CTNNA3: variants seen among roughly 807,000 people sequenced by gnomAD.
The protein encoded by CTNNA3 is catenin alpha-3.
Under a neutral mutation model 95.7 loss-of-function variants are expected in CTNNA3, and 76 were observed. That is an observed-to-expected ratio of 0.79 (90% CI 0.66 to 0.96). CTNNA3 has a LOEUF of 0.96. Ranked by LOEUF, CTNNA3 falls within the 40% of genes least tolerant of loss-of-function variation. CTNNA3 has a pLI of 0.00. For missense variants in CTNNA3, 1,191 were observed against 1,089.8 expected, an observed-to-expected ratio of 1.09 and a Z score of -1.31; for synonymous variants, 431 against 374.4, an observed-to-expected ratio of 1.15 and a Z score of -1.74.
chr10:66,282,702 T>C (rs1022225540), intron 12 of CTNNA3, among the ~76,000 whole-genome samples: 2 of 151,850 alleles, frequency 1.3e-5, no homozygotes, highest in Non-Finnish European at 2.9e-5. Flanking sequence ...ATCTTATGAA[T>C]GGCACCTGCT....
intron 7 of CTNNA3, among the ~76,000 whole-genome samples, chr10:66,952,818 T>C (rs1848602945): frequency 1.3e-5 from 2 of 151,966 alleles, no homozygotes; most frequent in African/African-American, 4.8e-5. Context: ...CTGCTTGTAA[T>C]TTATTATATA....
intron 11 of CTNNA3, among the ~76,000 whole-genome samples, chr10:66,379,880 T>G (rs992476194): frequency 6.6e-6 from 1 of 152,192 alleles, no homozygotes; most frequent in African/African-American, 2.4e-5. Context: ...AGGAAGTTAC[T>G]ATAGCACAGT....
At chr10:67,577,537 C>A (rs1212013512) in intron 3 of CTNNA3, among the ~76,000 whole-genome samples, 2 of 151,974 alleles carry the variant, frequency 1.3e-5, no homozygotes, top group African/African-American at 4.8e-5. Flanking sequence ...TTAATTAGAT[C>A]CCATTTGTCA....
At chr10:66,536,743 A>T (rs1218541862) in intron 10 of CTNNA3, among the ~76,000 whole-genome samples, 1 of 152,102 alleles carries the variant, frequency 6.6e-6, no homozygotes, top group Non-Finnish European at 1.5e-5. Flanking sequence ...ATGAGAAAAA[A>T]ATGGATGATA....
chr10:66,100,210 C>A (rs1231665221), intron 14 of CTNNA3, among the ~76,000 whole-genome samples: 1 of 152,064 alleles, frequency 6.6e-6, no homozygotes, highest in African/African-American at 2.4e-5. Flanking sequence ...TACTGGGGAC[C>A]CTTTCAGGTT....
intron 7 of CTNNA3, among the ~76,000 whole-genome samples, chr10:66,797,699 CTCTCTCTAAAGTG>C (rs1841262141): frequency 6.6e-6 from 1 of 151,908 alleles, no homozygotes; most frequent in South Asian, 2.1e-4. Context: ...TTGGAGCTTG[CTCTCTCTAAAGTG>C]TCTGTGATTG....
intron 17 of CTNNA3, among the ~76,000 whole-genome samples, chr10:65,960,180 C>A (rs2077813960): frequency 6.6e-6 from 1 of 152,158 alleles, no homozygotes; most frequent in East Asian, 1.9e-4. Flanking sequence ...TCATTCATTT[C>A]TATAAATGTG....
chr10:66,135,525 T>A (rs2083301937), intron 13 of CTNNA3, among the ~76,000 whole-genome samples: 1 of 152,120 alleles, frequency 6.6e-6, no homozygotes, highest in Admixed American at 6.5e-5. Flanking sequence ...AAATCACAGC[T>A]AAAACATATA....
chr10:65,976,843 G>T (rs1404786396), intron 16 of CTNNA3, among the ~76,000 whole-genome samples: 1 of 151,494 alleles, frequency 6.6e-6, no homozygotes, highest in South Asian at 2.1e-4. Context: ...ATTGAGTTCT[G>T]CATGTTTCTT....
At chr10:67,459,736 T>C (rs146944309) in intron 5 of CTNNA3, among the ~76,000 whole-genome samples, 101 of 152,314 alleles carry the variant, frequency 6.6e-4, no homozygotes, top group African/African-American at 2.3e-3. Flanking sequence ...TTTTGACATA[T>C]GCCTTAAAAT....
intron 2 of CTNNA3, among the ~76,000 whole-genome samples, chr10:67,642,826 T>A (rs1004359289): frequency 2.6e-5 from 4 of 152,094 alleles, no homozygotes; most frequent in Non-Finnish European, 5.9e-5. Flanking sequence ...AAACAACAGA[T>A]GCTGACAAGG....
intron 13 of CTNNA3, among the ~76,000 whole-genome samples, chr10:66,219,658 A>G (rs189674670): frequency 1.1e-4 from 16 of 152,062 alleles, no homozygotes; most frequent in Admixed American, 5.9e-4. Flanking sequence ...CCTCTAGCCA[A>G]CACCTCGATT....
At chr10:66,217,301 C>T (rs556092339) in intron 13 of CTNNA3, among the ~76,000 whole-genome samples, 7 of 148,024 alleles carry the variant, frequency 4.7e-5, no homozygotes, top group Non-Finnish European at 7.4e-5. Context: ...TGCAGTGAGC[C>T]GAGATCACGC....
intron 9 of CTNNA3, among the ~76,000 whole-genome samples, chr10:66,723,952 T>C: frequency 6.6e-6 from 1 of 152,172 alleles, no homozygotes; most frequent in East Asian, 1.9e-4. Flanking sequence ...TTCTCTTTCT[T>C]TCATCATATT....
intron 7 of CTNNA3, among the ~76,000 whole-genome samples, chr10:67,047,125 A>G (rs913305056): frequency 1.3e-5 from 2 of 152,194 alleles, no homozygotes; most frequent in Non-Finnish European, 2.9e-5. Flanking sequence ...CAGACAGTAC[A>G]CTTATCTTCT....
rs576567030 is a variant in CTNNA3, at chr10:66,919,086, G to A, written c.1048-143562C>T. On this transcript the variant is annotated intron_variant, in intron 7 of 17. Coordinates refer to ENST00000433211, the MANE Select transcript of CTNNA3 (RefSeq NM_013266.4). ...GGAGGCAGAGGTTGCTGTGAGCCGG[G>A]ATCGTGCCACTGAACTCCAGCCTGG... 1.3e-4 allele frequency among the ~76,000 whole-genome samples: 20 copies of A among 148,974 alleles called. No homozygotes were observed. The South Asian group carries it at 3.8e-3, about 28-fold the overall frequency.
At chr10:67,401,917 AC>A (rs1844938917) in intron 5 of CTNNA3, among the ~76,000 whole-genome samples, 1 of 152,212 alleles carries the variant, frequency 6.6e-6, no homozygotes, top group African/African-American at 2.4e-5. Flanking sequence ...TTCTCTAAAA[AC>A]TTTCAGAAAC....
chr10:67,070,864 T>C (rs1009614149), intron 7 of CTNNA3, among the ~76,000 whole-genome samples: 1 of 152,220 alleles, frequency 6.6e-6, no homozygotes, highest in Non-Finnish European at 1.5e-5. Context: ...ATATTCTTTT[T>C]TTCTCATAAC....
At chr10:67,401,959 A>G (rs1844939799) in intron 5 of CTNNA3, among the ~76,000 whole-genome samples, 1 of 152,212 alleles carries the variant, frequency 6.6e-6, no homozygotes, top group South Asian at 2.1e-4. Context: ...AATTTACACC[A>G]CAATTAAAAG....
Sources: gnomAD v4.1 joint callset for allele counts (sites outside exome capture counted in the v4.1 genomes callset) on GRCh38, gnomAD v4.1.1 for gene constraint, MANE v1.5 for transcripts, NCBI Gene and HGNC (gene_info 2026-07-23, HGNC 2026-07-21) for gene names.